The following CEP112 variants were observed in gnomAD, a reference collection of about 807,000 sequenced individuals.
CEP112 encodes centrosomal protein of 112 kDa.
A neutral mutation model predicts 153.0 loss-of-function variants in CEP112; 127 were observed. The observed-to-expected ratio is 0.83, with a 90% confidence interval of 0.72 to 0.96. The LOEUF is 0.96. Among genes scored for constraint, CEP112 ranks in the 40% least tolerant of loss-of-function variants. The pLI is 0.00. For missense variants in CEP112, 1,089 were observed against 1,101.2 expected (o/e 0.99, Z 0.16); for synonymous variants, 358 against 374.4 (o/e 0.96, Z 0.51).
At chr17:66,086,558 C>T (rs942806744) in intron 8 of CEP112, among the ~76,000 whole-genome samples, 9 of 151,702 alleles carry the variant, frequency 5.9e-5, no homozygotes, top group Non-Finnish European at 1.3e-4. Context: ...CACCCGCCAC[C>T]ATGCCCGAGT....
intron 19 of CEP112, 44 bp from the exon 20 acceptor site, chr17:65,902,378 T>C: frequency 6.5e-7 from 1 of 1,540,760 alleles, no homozygotes; most frequent in Non-Finnish European, 8.8e-7. Flanking sequence ...AGAACATCCT[T>C]GTCGTCATGA....
At chr17:65,846,225 C>A (rs2057719713) in intron 21 of CEP112, among the ~76,000 whole-genome samples, 1 of 152,102 alleles carries the variant, frequency 6.6e-6, no homozygotes, top group Admixed American at 6.5e-5. Flanking sequence ...AGAGTTCAAG[C>A]AACTGGCAGA....
chr17:65,745,549 A>G (rs2051394947), intron 22 of CEP112, among the ~76,000 whole-genome samples: 1 of 152,156 alleles, frequency 6.6e-6, no homozygotes, highest in Non-Finnish European at 1.5e-5. Flanking sequence ...CTTTTATGAG[A>G]ACATGGGGCC....
intron 21 of CEP112, among the ~76,000 whole-genome samples, chr17:65,755,305 G>A (rs1425810155): frequency 4.0e-5 from 6 of 151,788 alleles, no homozygotes; most frequent in Non-Finnish European, 7.4e-5. Context: ...GAGAGGTGGA[G>A]AGGTAATACA....
chr17:65,937,307 G>A (rs1173698095), intron 18 of CEP112, among the ~76,000 whole-genome samples: 3 of 99,836 alleles, frequency 3.0e-5, no homozygotes, highest in African/African-American at 1.4e-4. Context: ...TCTCTGCCCG[G>A]CCGCCATCCC....
At chr17:66,125,252 G>C (rs1351267579) in intron 6 of CEP112, among the ~76,000 whole-genome samples, 2 of 152,136 alleles carry the variant, frequency 1.3e-5, no homozygotes, top group Non-Finnish European at 2.9e-5. Flanking sequence ...CTTTGTCCTA[G>C]TCTCAAAATC....
intron 23 of CEP112, among the ~76,000 whole-genome samples, chr17:65,709,345 A>T (rs2049063404): frequency 6.6e-6 from 1 of 152,242 alleles, no homozygotes; most frequent in African/African-American, 2.4e-5. Context: ...TAATTTATAA[A>T]GGAAAGAGGT....
At chr17:66,166,670 G>A (rs1031765810) in intron 4 of CEP112, among the ~76,000 whole-genome samples, 6 of 152,114 alleles carry the variant, frequency 3.9e-5, no homozygotes, top group African/African-American at 1.2e-4. Flanking sequence ...GGCCGAGGGA[G>A]GGGGATCACC....
At chr17:66,043,325 T>A (rs1187497851) in intron 12 of CEP112, among the ~76,000 whole-genome samples, 1 of 152,196 alleles carries the variant, frequency 6.6e-6, no homozygotes, top group Non-Finnish European at 1.5e-5. Context: ...TTGTTTACCC[T>A]CATTAGAAAT....
intron 4 of CEP112, among the ~76,000 whole-genome samples, chr17:66,146,661 A>G (rs1368346318): frequency 6.6e-6 from 1 of 152,080 alleles, no homozygotes; most frequent in Non-Finnish European, 1.5e-5. Context: ...TCATTAAACA[A>G]TAACTCCCTA....
chr17:65,997,202 C>A, intron 17 of CEP112, among the ~76,000 whole-genome samples: 1 of 152,124 alleles, frequency 6.6e-6, no homozygotes. Flanking sequence ...CAGAGTGAGA[C>A]TCCATCTAAA....
chr17:66,144,350 C>T (rs964562019), intron 4 of CEP112, among the ~76,000 whole-genome samples: 2 of 152,096 alleles, frequency 1.3e-5, no homozygotes, highest in Non-Finnish European at 2.9e-5. Flanking sequence ...TCTCGCTTGG[C>T]CTGGCCAAGA....
chr17:65,725,076 A>T (rs1438713366), intron 23 of CEP112, among the ~76,000 whole-genome samples: 1 of 152,182 alleles, frequency 6.6e-6, no homozygotes, highest in Non-Finnish European at 1.5e-5. Context: ...TTAGAGTGTG[A>T]ATTACTTCAA....
intron 20 of CEP112, among the ~76,000 whole-genome samples, chr17:65,860,072 T>C (rs976562831): frequency 6.8e-6 from 1 of 146,256 alleles, no homozygotes; most frequent in Non-Finnish European, 1.5e-5. Context: ...ACGGTATATA[T>C]AAAAAATGAA....
chr17:65,725,405 C>T (rs2050120381), intron 23 of CEP112, among the ~76,000 whole-genome samples: 1 of 152,178 alleles, frequency 6.6e-6, no homozygotes. Context: ...ACAACCTCCA[C>T]CTCCTGGGTT....
chr17:66,003,016 C>T (rs2064125889), intron 17 of CEP112, among the ~76,000 whole-genome samples: 1 of 152,176 alleles, frequency 6.6e-6, no homozygotes, highest in Admixed American at 6.5e-5. Context: ...GCAGCAGTCA[C>T]AATATTCTCC....
intron 20 of CEP112, among the ~76,000 whole-genome samples, chr17:65,888,574 T>C (rs1457174361): frequency 6.6e-6 from 1 of 152,240 alleles, no homozygotes; most frequent in Non-Finnish European, 1.5e-5. Flanking sequence ...GGTATCCATT[T>C]TACTGTATAT....
At chr17:65,790,738 A>C (rs1433844377) in intron 21 of CEP112, among the ~76,000 whole-genome samples, 1 of 152,186 alleles carries the variant, frequency 6.6e-6, no homozygotes, top group Non-Finnish European at 1.5e-5. Context: ...CAGGGGCCTT[A>C]GATTTAGGAG....
chr17:65,699,305 G>C (rs2048506183), intron 23 of CEP112, among the ~76,000 whole-genome samples: 1 of 152,274 alleles, frequency 6.6e-6, no homozygotes, highest in Admixed American at 6.5e-5. Context: ...TAAAGAGCAA[G>C]TTGCCTTTCA....
Sources: allele counts gnomAD v4.1 joint callset (sites outside exome capture counted in the v4.1 genomes callset), GRCh38; gene constraint gnomAD v4.1.1; transcripts MANE v1.5; gene names NCBI Gene and HGNC (gene_info 2026-07-23, HGNC 2026-07-21).